DYNC2H1: variants seen among roughly 807,000 people sequenced by gnomAD.
DYNC2H1 encodes cytoplasmic dynein 2 heavy chain 1.
DYNC2H1 carries 410 observed loss-of-function variants against 570.0 expected under a neutral mutation model. The ratio of observed to expected loss-of-function variants is 0.72; its 90% CI spans 0.66 to 0.78. DYNC2H1 has a LOEUF of 0.78. Ranked by LOEUF, DYNC2H1 falls within the 30% of genes least tolerant of loss-of-function variation. The pLI is 0.00. For missense variants in DYNC2H1, 4,865 were observed against 5,046.4 expected (o/e 0.96, Z 1.09); for synonymous variants, 1,688 against 1,677.6 (o/e 1.01, Z -0.15).
Position 103,121,436 on chromosome 11 carries a change from TG to T in DYNC2H1, c.1427del (p.Gly476AlafsTer11), listed in dbSNP as rs1565316025. Reference protein sequence around the residue: ...IPGDASGPLSGKNLSEVVNSI... With the variant: ...IPGDASGPLSXKNLSEVVNSI... ...CTGGTGATGCATCTGGACCACTTTC[TG>T]GCAAAAATCTTTCAGAAGTTGTCAA... On this transcript the variant is annotated frameshift_variant, in exon 10 of 89. Coordinates refer to ENST00000375735, the MANE Select transcript of DYNC2H1 (RefSeq NM_001377.3). LOFTEE classifies it high-confidence loss of function. The T allele has an allele frequency of 1.9e-6, 3 of 1,613,660 alleles. No individual in the cohort carries two copies. Among genetic ancestry groups the T allele is most frequent in the Non-Finnish European group, 2.5e-6 (3 of 1,179,712 alleles).
Position 103,135,954 on chromosome 11 carries a change from G to C in DYNC2H1, c.2574+6G>C, listed in dbSNP as rs756402098. On this transcript the variant is annotated splice_donor_region_variant and intron_variant, in intron 17 of 88. Coordinates refer to ENST00000375735, the MANE Select transcript of DYNC2H1 (RefSeq NM_001377.3). ...CTGTTTTACACCAACATAAGGTATA[G>C]AACATGTAATGTTCCATCCTTCCAT... 12 of 1,561,986 alleles carry C rather than the reference G, an allele frequency of 7.7e-6. No homozygotes were observed. In the South Asian group the frequency reaches 1.2e-4, roughly 16 times the overall value.
chr11:103,277,668 A>G lies in DYNC2H1; in HGVS notation c.10696-2680A>G, dbSNP rs1267500848. On this transcript the variant is annotated intron_variant, in intron 70 of 88. Transcript: ENST00000375735. This position sits in a 1 kb window ranked among gnomAD's most constrained non-coding sequence, Gnocchi z 4.3. ...TTATCTTTTGGAGTTCTTTGAGAACAGGGTTAGGGGAGTAGTTCTCTAAAG... is the reference window on the plus strand; with the variant it reads ...TTATCTTTTGGAGTTCTTTGAGAACGGGGTTAGGGGAGTAGTTCTCTAAAG... Among the ~76,000 whole-genome samples, 1 of 152,112 alleles carries G rather than the reference A, an allele frequency of 6.6e-6. No homozygotes were observed. Among genetic ancestry groups the G allele is most frequent in the Non-Finnish European group, 1.5e-5 (1 of 68,020 alleles).
rs1861197243 is a variant in DYNC2H1, at chr11:103,163,927, G to A, written c.4611+780G>A. Among the ~76,000 whole-genome samples, 1 of 152,088 alleles carries A rather than the reference G, an allele frequency of 6.6e-6. No homozygotes were observed. The highest frequency in any genetic ancestry group is 2.4e-5 in the African/African-American group (1 of 41,426). On this transcript the variant is annotated intron_variant, in intron 30 of 88. Transcript: ENST00000375735. This position sits in a 1 kb window ranked among gnomAD's most constrained non-coding sequence, Gnocchi z 4.6. ...TTTTATGTTGATTTTCTGTAAGTAT[G>A]GAAGCTTGGAACAGTTTACATTCTG...
At chr11:103,385,109 G>A (rs960324410) in intron 83 of DYNC2H1, among the ~76,000 whole-genome samples, 1 of 151,976 alleles carries the variant, frequency 6.6e-6, no homozygotes, top group African/African-American at 2.4e-5. Flanking sequence ...ATTTTCTGCA[G>A]TTATACTGTT....
intron 25 of DYNC2H1, among the ~76,000 whole-genome samples, chr11:103,155,754 C>T (rs1406431922): frequency 1.3e-5 from 2 of 152,126 alleles, no homozygotes; most frequent in African/African-American, 4.8e-5. Context: ...TAGAAAAGCT[C>T]TCAGGTAAAA....
intron 83 of DYNC2H1, among the ~76,000 whole-genome samples, chr11:103,374,847 G>C (rs1291461266): frequency 6.6e-6 from 1 of 152,134 alleles, no homozygotes; most frequent in Non-Finnish European, 1.5e-5. Flanking sequence ...CGATGCAGTA[G>C]AAAACAAAAA....
chr11:103,245,250 G>A lies in DYNC2H1; in HGVS notation c.9919-1G>A. 3 of 1,528,108 alleles carry A rather than the reference G, an allele frequency of 2.0e-6. No individual in the cohort carries two copies. Among genetic ancestry groups the A allele is most frequent in the Non-Finnish European group, 1.8e-6 (2 of 1,132,584 alleles). 94.7% of individuals were successfully genotyped at this position (1,528,108 alleles called of 1,614,324 possible). Reference sequence around the variant, plus strand: ...ATACGTATTCTTTTTTATTCAATTAGGATAGTAACTTTATCACAGCTCTTG... The same window carrying A: ...ATACGTATTCTTTTTTATTCAATTAAGATAGTAACTTTATCACAGCTCTTG... On this transcript the variant is annotated splice_acceptor_variant, in intron 64 of 88. Transcript: ENST00000375735. LOFTEE classifies it high-confidence loss of function. This position sits in a 1 kb window ranked among gnomAD's most constrained non-coding sequence, Gnocchi z 4.5.
chr11:103,357,032 A>G (rs1235878836), intron 82 of DYNC2H1, among the ~76,000 whole-genome samples: 2 of 152,146 alleles, frequency 1.3e-5, no homozygotes, highest in Non-Finnish European at 1.5e-5. Context: ...ATTTTAGACA[A>G]ACAGTGAGAT....
At chr11:103,307,893 TA>T in intron 78 of DYNC2H1, 62 bp downstream of exon 78, 1 of 893,472 alleles carries the variant, frequency 1.1e-6, no homozygotes, top group Admixed American at 2.6e-5. Flanking sequence ...ACATGACTTC[TA>T]AAACTTTGTA....
chr11:103,262,788 A>C (rs1391323219), intron 70 of DYNC2H1, among the ~76,000 whole-genome samples: 2 of 152,120 alleles, frequency 1.3e-5, no homozygotes, highest in African/African-American at 4.8e-5. Flanking sequence ...AAGAAACTGC[A>C]TCAACTAACA....
chr11:103,309,168 A>ATTTTTTGTTTTTTTTTTTTTTTTTTTTTT (rs1867445030), intron 78 of DYNC2H1, among the ~76,000 whole-genome samples: 1 of 54,620 alleles, frequency 1.8e-5, no homozygotes. Flanking sequence ...ACTGCATGCT[A>ATTTTTTGTTTTTTTTTTTTTTTTTTTTTT]TTTTTTTTTT....
At chr11:103,267,768 T>G (rs1489858325) in intron 70 of DYNC2H1, among the ~76,000 whole-genome samples, 2 of 152,046 alleles carry the variant, frequency 1.3e-5, no homozygotes, top group Non-Finnish European at 2.9e-5. Context: ...GTTTGATTTG[T>G]TCCTTATCAT....
intron 54 of DYNC2H1, among the ~76,000 whole-genome samples, chr11:103,214,362 A>G (rs61896661): frequency 3.3e-5 from 5 of 151,932 alleles, no homozygotes; most frequent in Non-Finnish European, 7.4e-5. Flanking sequence ...GAAGAATGTA[A>G]TTAGTATTTT....
At position 103,236,422 on chromosome 11, in the gene DYNC2H1, C is replaced by T; in HGVS notation, c.9710-8C>T. 6.6e-7 allele frequency: 1 copy of T among 1,526,618 alleles called. No individual in the cohort carries two copies. Among genetic ancestry groups the T allele is most frequent in the South Asian group, 1.1e-5 (1 of 89,024 alleles). 94.6% of individuals were successfully genotyped at this position (1,526,618 alleles called of 1,614,324 possible). A position where few individuals can be genotyped will look rare whatever the true frequency, so the allele number is the denominator to read the frequency against. On this transcript the variant is annotated splice_polypyrimidine_tract_variant and splice_region_variant and intron_variant, in intron 62 of 88. Transcript: ENST00000375735. ...TGTGAAGTATTATCAATATCTTCAACTTTTCAGAATTTGATCTGAGGAGAT... is the reference window on the plus strand; with the variant it reads ...TGTGAAGTATTATCAATATCTTCAATTTTTCAGAATTTGATCTGAGGAGAT...
rs1045899870 is a variant in DYNC2H1, at chr11:103,247,948, A to G, written c.10042+2574A>G. On this transcript the variant is annotated intron_variant, in intron 65 of 88. Coordinates refer to ENST00000375735, the MANE Select transcript of DYNC2H1 (RefSeq NM_001377.3). Reference sequence around the variant, plus strand: ...ACAAGGATTGATTTACAGTTGCCTCAATTACTTCCAAAGGTGCCTCTTGCA... The same window carrying G: ...ACAAGGATTGATTTACAGTTGCCTCGATTACTTCCAAAGGTGCCTCTTGCA... Among the ~76,000 whole-genome samples, 3 of 152,078 alleles carry G rather than the reference A, an allele frequency of 2.0e-5. No homozygotes were observed. The South Asian group carries it at 6.2e-4, about 31-fold the overall frequency.
intron 88 of DYNC2H1, among the ~76,000 whole-genome samples, chr11:103,477,667 T>C (rs1285330726): frequency 1.3e-5 from 2 of 151,334 alleles, no homozygotes; most frequent in Non-Finnish European, 2.9e-5. Flanking sequence ...CTGTCTCTAC[T>C]AAAAATACAA....
At chr11:103,255,835 G>A (rs1865035152) in intron 67 of DYNC2H1, among the ~76,000 whole-genome samples, 1 of 151,988 alleles carries the variant, frequency 6.6e-6, no homozygotes, top group Non-Finnish European at 1.5e-5. Flanking sequence ...GTAACTTTAA[G>A]TAGTTTTTAT....
chr11:103,359,476 C>T (rs1454618849), intron 83 of DYNC2H1, among the ~76,000 whole-genome samples: 1 of 152,164 alleles, frequency 6.6e-6, no homozygotes. Context: ...CTCTCTCCCT[C>T]ACTGCCAGCA....
rs144758367 is a variant in DYNC2H1 at position 103,370,088 on chromosome 11, GC to G, written c.12156+11732del. ...GCCCTGGGCCAGAGGTGAGCCCACT[GC>G]CCTGAAGGGTGAGTCCCAGGTCAGG... On this transcript the variant is annotated intron_variant, in intron 83 of 88. Coordinates refer to ENST00000375735, the MANE Select transcript of DYNC2H1 (RefSeq NM_001377.3). 8.5e-5 allele frequency among the ~76,000 whole-genome samples: 13 copies of G among 152,340 alleles called. No homozygotes were observed. The East Asian group carries it at 1.9e-3, about 23-fold the overall frequency.
Sources: allele counts gnomAD v4.1 joint callset (sites outside exome capture counted in the v4.1 genomes callset), GRCh38; gene constraint gnomAD v4.1.1; non-coding constraint Gnocchi (gnomAD v3.1); transcripts MANE v1.5; gene names NCBI Gene and HGNC (gene_info 2026-07-23, HGNC 2026-07-21).